LEF1: variants seen among roughly 807,000 people sequenced by gnomAD.
LEF1 encodes the protein lymphoid enhancer-binding factor 1.
LEF1 carries 14 observed loss-of-function variants against 51.2 expected under a neutral mutation model. That is an observed-to-expected ratio of 0.27 (90% confidence interval 0.18 to 0.43). The LOEUF (loss-of-function observed/expected upper bound fraction) is 0.43. Among genes scored for constraint, LEF1 ranks in the 20% least tolerant of loss-of-function variants. LEF1 has a pLI of 1.00. For synonymous variants in LEF1, 185 were observed against 183.2 expected (o/e 1.01, Z -0.08); for missense variants, 386 against 512.0 (o/e 0.75, Z 2.37).
intron 3 of LEF1, among the ~76,000 whole-genome samples, chr4:108,129,725 A>T (rs1015422781): frequency 6.6e-6 from 1 of 152,222 alleles, no homozygotes; most frequent in Non-Finnish European, 1.5e-5. Flanking sequence ...ATTAATAAAA[A>T]GGTCATACCT....
rs550276344 is a variant in LEF1 at position 108,123,297 on chromosome 4, T to C, written c.415-34040A>G. On this transcript the variant is annotated intron_variant, in intron 3 of 11. Coordinates refer to ENST00000265165, the MANE Select transcript of LEF1 (RefSeq NM_016269.5). ...GCAGTTATAATTCTCAGGACAGCATTTTTCTTCTTCTAGTCAGTGACAGCA... is the reference window on the plus strand; with the variant it reads ...GCAGTTATAATTCTCAGGACAGCATCTTTCTTCTTCTAGTCAGTGACAGCA... Among the ~76,000 whole-genome samples the C allele has an allele frequency of 5.3e-5, 8 of 152,272 alleles. No individual in the cohort carries two copies. The South Asian group carries it at 1.7e-3, about 32-fold the overall frequency.
intron 3 of LEF1, among the ~76,000 whole-genome samples, chr4:108,148,671 T>G (rs2110389141): frequency 6.6e-6 from 1 of 152,324 alleles, no homozygotes; most frequent in South Asian, 2.1e-4. Flanking sequence ...AAAATAAGTA[T>G]CTTCAATGAA....
At chr4:108,104,810 C>A (rs1413970260) in intron 3 of LEF1, 2 of 317,296 alleles carry the variant, frequency 6.3e-6, no homozygotes, top group African/African-American at 4.5e-5. Flanking sequence ...TAAATGGCAT[C>A]AATCTGACTC....
At chr4:108,053,760 C>T (rs1259260182) in intron 11 of LEF1, among the ~76,000 whole-genome samples, 1 of 152,150 alleles carries the variant, frequency 6.6e-6, no homozygotes, top group Non-Finnish European at 1.5e-5. Context: ...TCCTTCCTAC[C>T]ACGGGAAACA....
intron 4 of LEF1, among the ~76,000 whole-genome samples, chr4:108,086,383 C>T (rs886326832): frequency 6.6e-5 from 10 of 152,136 alleles, no homozygotes; most frequent in African/African-American, 1.9e-4. Context: ...CCACATTGTG[C>T]CCAGCACATT....
intron 3 of LEF1, among the ~76,000 whole-genome samples, chr4:108,148,095 C>A (rs1744108713): frequency 6.6e-6 from 1 of 152,156 alleles, no homozygotes; most frequent in South Asian, 2.1e-4. Flanking sequence ...AACAGTGACA[C>A]AGTACCAACA....
intron 3 of LEF1, among the ~76,000 whole-genome samples, chr4:108,097,848 A>T (rs1413433923): frequency 6.6e-6 from 1 of 152,152 alleles, no homozygotes; most frequent in Non-Finnish European, 1.5e-5. Context: ...AGCTTGATGA[A>T]AGTAGTATTT....
At chr4:108,100,255 G>A (rs969024707) in intron 3 of LEF1, among the ~76,000 whole-genome samples, 2 of 152,054 alleles carry the variant, frequency 1.3e-5, no homozygotes, top group African/African-American at 4.8e-5. Context: ...TCTCAAATAA[G>A]TCAAGCCAGA....
At chr4:108,079,470 C>A (rs1259362756) in intron 7 of LEF1, 22 bp downstream of exon 7, 1 of 1,613,654 alleles carries the variant, frequency 6.2e-7, no homozygotes, top group Admixed American at 1.7e-5. Flanking sequence ...GCAATCACAG[C>A]AGAGCCCGGG....
chr4:108,148,688 C>T (rs930366417), intron 3 of LEF1, among the ~76,000 whole-genome samples: 8 of 152,156 alleles, frequency 5.3e-5, no homozygotes, highest in African/African-American at 1.7e-4. Context: ...TGAATATTTA[C>T]GGAATGAATG....
intron 3 of LEF1, among the ~76,000 whole-genome samples, chr4:108,120,215 G>T (rs1742091037): frequency 6.6e-6 from 1 of 151,996 alleles, no homozygotes. Flanking sequence ...ATATTTTGTA[G>T]AGATGGGGTC....
At chr4:108,121,920 A>G (rs570890030) in intron 3 of LEF1, among the ~76,000 whole-genome samples, 2 of 152,298 alleles carry the variant, frequency 1.3e-5, no homozygotes, top group African/African-American at 4.8e-5. Flanking sequence ...TGACCTTTGA[A>G]GAGTTTTCCT....
chr4:108,111,070 A>G (rs1011227081), intron 3 of LEF1, among the ~76,000 whole-genome samples: 5 of 152,192 alleles, frequency 3.3e-5, no homozygotes, highest in African/African-American at 1.2e-4. Flanking sequence ...TATAGTGCTA[A>G]TCAATAACTA....
In LEF1 at chr4:108,063,619, T is replaced by C. The variant is rs368079924; in HGVS notation, c.*6+4A>G. 33 of 1,592,998 alleles carry C rather than the reference T, an allele frequency of 2.1e-5. No individual in the cohort carries two copies. Among genetic ancestry groups the C allele is most frequent in the Non-Finnish European group, 2.7e-5 (32 of 1,173,152 alleles). ...CAGCAGTAGGACCAGAGAGTCGTTCTTACCATGTTTCAGATGTAGGCAGCT... is the reference window on the plus strand; with the variant it reads ...CAGCAGTAGGACCAGAGAGTCGTTCCTACCATGTTTCAGATGTAGGCAGCT... On this transcript the variant is annotated splice_donor_region_variant and intron_variant, in intron 11 of 11. Transcript: ENST00000265165.
chr4:108,050,755 C>T (rs1339305641), intron 11 of LEF1, among the ~76,000 whole-genome samples: 6 of 152,198 alleles, frequency 3.9e-5, no homozygotes, highest in East Asian at 1.9e-4. Flanking sequence ...AGAATAGACT[C>T]GCCATTGGCA....
chr4:108,124,127 G>A (rs950658273), intron 3 of LEF1, among the ~76,000 whole-genome samples: 1 of 152,032 alleles, frequency 6.6e-6, no homozygotes, highest in African/African-American at 2.4e-5. Context: ...GGAACAGAGA[G>A]ACTCTACCTT....
chr4:108,097,161 A>G (rs1482728015), intron 3 of LEF1, among the ~76,000 whole-genome samples: 1 of 152,240 alleles, frequency 6.6e-6, no homozygotes, highest in African/African-American at 2.4e-5. Context: ...AGCACTATTC[A>G]CAATAGCTAA....
intron 3 of LEF1, among the ~76,000 whole-genome samples, chr4:108,107,012 G>A (rs1741211495): frequency 6.6e-6 from 1 of 152,180 alleles, no homozygotes; most frequent in African/African-American, 2.4e-5. Flanking sequence ...CCAACAGCTG[G>A]CTGGTCACTT....
Position 108,153,885 on chromosome 4 carries a change from A to T in LEF1, c.414+9683T>A, listed in dbSNP as rs894676570. ...CATAATAAGTTGGTGGCAAAAAAGC[A>T]AGTTGCAAAATGATACCTTATGTTC... On this transcript the variant is annotated intron_variant, in intron 3 of 11. Transcript: ENST00000265165. 2.0e-5 allele frequency among the ~76,000 whole-genome samples: 3 copies of T among 152,204 alleles called. No homozygotes were observed. The East Asian group carries it at 5.8e-4, about 29-fold the overall frequency.
Sources: allele counts gnomAD v4.1 joint callset (sites outside exome capture counted in the v4.1 genomes callset), GRCh38; gene constraint gnomAD v4.1.1; transcripts MANE v1.5; gene names NCBI Gene and HGNC (gene_info 2026-07-23, HGNC 2026-07-21).